The following ESRRG variants were observed in gnomAD, a reference collection of about 807,000 sequenced individuals.
ESRRG encodes the protein estrogen related receptor gamma, also known as estrogen-related receptor gamma.
A neutral mutation model predicts 44.0 loss-of-function variants in ESRRG; 13 were observed. That is an observed-to-expected ratio of 0.30 (90% confidence interval 0.19 to 0.47). The LOEUF is 0.47. ESRRG is among the 20% of genes least tolerant of loss of function. The probability of loss-of-function intolerance (pLI) is 1.00; values close to 1 mark genes in which losing one functional copy is unlikely to be tolerated. For missense variants in ESRRG, 395 were observed against 580.6 expected (o/e 0.68, Z 3.29); for synonymous variants, 215 against 214.6 (o/e 1.00, Z -0.02).
At chr1:217,066,686 G>A (rs1323348891) in intron 1 of ESRRG, among the ~76,000 whole-genome samples, 1 of 152,194 alleles carries the variant, frequency 6.6e-6, no homozygotes, top group African/African-American at 2.4e-5. Flanking sequence ...ATTTGGGGCT[G>A]GACAATTCTT....
At chr1:216,577,278 C>A (rs1048326902) in intron 3 of ESRRG, among the ~76,000 whole-genome samples, 1 of 151,816 alleles carries the variant, frequency 6.6e-6, no homozygotes, top group African/African-American at 2.4e-5. Flanking sequence ...CTTCTTTTTG[C>A]CTGCTAAAAA....
chr1:216,556,576 TA>T (rs1352909053), intron 5 of ESRRG, among the ~76,000 whole-genome samples: 1 of 152,166 alleles, frequency 6.6e-6, no homozygotes, highest in East Asian at 1.9e-4. Flanking sequence ...AAACTTTCAA[TA>T]GCACTTCACT....
intron 1 of ESRRG, among the ~76,000 whole-genome samples, chr1:216,698,442 C>G (rs1264845993): frequency 6.7e-6 from 1 of 148,708 alleles, no homozygotes; most frequent in Non-Finnish European, 1.5e-5. Flanking sequence ...CGGCGTGAAC[C>G]CGGGAGGCGG....
At chr1:216,649,646 T>G (rs975488495) in intron 3 of ESRRG, among the ~76,000 whole-genome samples, 1 of 152,156 alleles carries the variant, frequency 6.6e-6, no homozygotes, top group East Asian at 1.9e-4. Flanking sequence ...ATTATAACAT[T>G]ATACACTTCT....
At chr1:216,913,132 A>G (rs1387052728) in intron 2 of ESRRG, among the ~76,000 whole-genome samples, 1 of 145,834 alleles carries the variant, frequency 6.9e-6, no homozygotes, top group Non-Finnish European at 1.5e-5. Context: ...AAAAAAAAAA[A>G]GGAAAGAAAG....
At chr1:216,571,409 C>T (rs1378916502) in intron 3 of ESRRG, among the ~76,000 whole-genome samples, 1 of 152,140 alleles carries the variant, frequency 6.6e-6, no homozygotes, top group Non-Finnish European at 1.5e-5. Flanking sequence ...CACCATTGCA[C>T]TCTAGCCTGG....
At chr1:216,739,928 C>A (rs1313065064) in intron 2 of ESRRG, among the ~76,000 whole-genome samples, 1 of 152,130 alleles carries the variant, frequency 6.6e-6, no homozygotes, top group Admixed American at 6.5e-5. Flanking sequence ...TGCCAGACTC[C>A]TTCATTCCTC....
chr1:216,986,155 G>A (rs572872616), intron 1 of ESRRG, among the ~76,000 whole-genome samples: 13 of 152,278 alleles, frequency 8.5e-5, no homozygotes, highest in Admixed American at 2.0e-4. Context: ...GGTGACCCAG[G>A]AATGATCCCA....
chr1:216,548,306 C>T (rs1317373258), intron 5 of ESRRG, among the ~76,000 whole-genome samples: 1 of 151,978 alleles, frequency 6.6e-6, no homozygotes, highest in Non-Finnish European at 1.5e-5. Context: ...TTGTCTTGAC[C>T]TCTCTCTCAA....
intron 2 of ESRRG, among the ~76,000 whole-genome samples, chr1:216,916,091 A>G (rs545781459): frequency 6.6e-6 from 1 of 152,172 alleles, no homozygotes; most frequent in Non-Finnish European, 1.5e-5. Flanking sequence ...CCCCAATTCA[A>G]GCATTAACCT....
chr1:216,703,318 A>G (rs925732149), intron 1 of ESRRG, among the ~76,000 whole-genome samples: 2 of 152,184 alleles, frequency 1.3e-5, no homozygotes, highest in Non-Finnish European at 2.9e-5. Context: ...AAAAAATCAC[A>G]CATAAAAATC....
intron 6 of ESRRG, among the ~76,000 whole-genome samples, chr1:216,511,823 G>GA (rs1377904981): frequency 3.3e-5 from 5 of 152,088 alleles, no homozygotes; most frequent in South Asian, 2.1e-4. Context: ...GGTTCCCACT[G>GA]AAAAAAATGG....
At chr1:217,082,687 C>T (rs1177103983) in intron 1 of ESRRG, among the ~76,000 whole-genome samples, 1 of 151,856 alleles carries the variant, frequency 6.6e-6, no homozygotes, top group Non-Finnish European at 1.5e-5. Context: ...CACACCTCAC[C>T]CTCTTCTTCA....
chr1:216,970,734 C>G (rs781276777), intron 1 of ESRRG, among the ~76,000 whole-genome samples: 2 of 152,082 alleles, frequency 1.3e-5, no homozygotes, highest in African/African-American at 2.4e-5. Flanking sequence ...AGGACTATCC[C>G]CCTTTGAAGT....
intron 2 of ESRRG, among the ~76,000 whole-genome samples, chr1:216,904,949 G>A (rs1369878951): frequency 6.6e-6 from 1 of 152,130 alleles, no homozygotes. Context: ...TGCAGATAGG[G>A]CAGCCTTTCA....
At chr1:216,981,070 G>C (rs1014758790) in intron 1 of ESRRG, among the ~76,000 whole-genome samples, 4 of 152,012 alleles carry the variant, frequency 2.6e-5, no homozygotes, top group Non-Finnish European at 4.4e-5. Context: ...CACTAATTAC[G>C]TAGCAGAGTA....
At chr1:216,529,415 G>T (rs1477426736) in intron 5 of ESRRG, among the ~76,000 whole-genome samples, 1 of 152,140 alleles carries the variant, frequency 6.6e-6, no homozygotes, top group East Asian at 1.9e-4. Flanking sequence ...AACACAAGCA[G>T]ATGAATTTTG....
chr1:216,722,202 G>A (rs997979026), intron 1 of ESRRG, among the ~76,000 whole-genome samples: 1 of 152,210 alleles, frequency 6.6e-6, no homozygotes, highest in African/African-American at 2.4e-5. Context: ...AGAAATGTTT[G>A]CCAAGGGCAC....
intron 5 of ESRRG, among the ~76,000 whole-genome samples, chr1:216,551,619 C>T (rs1030448809): frequency 5.3e-5 from 8 of 152,048 alleles, no homozygotes; most frequent in Non-Finnish European, 1.2e-4. Flanking sequence ...GTCAGACAAC[C>T]GATCGGGTTA....
Sources: allele counts gnomAD v4.1 joint callset (sites outside exome capture counted in the v4.1 genomes callset), GRCh38; gene constraint gnomAD v4.1.1; transcripts MANE v1.5; gene names NCBI Gene and HGNC (gene_info 2026-07-23, HGNC 2026-07-21).